The following GRB14 variants were observed in gnomAD, a reference collection of about 807,000 sequenced individuals.
GRB14 encodes growth factor receptor-bound protein 14.
A neutral mutation model predicts 69.1 loss-of-function variants in GRB14; 38 were observed. The ratio of observed to expected loss-of-function variants is 0.55; its 90% confidence interval spans 0.42 to 0.72. The LOEUF (loss-of-function observed/expected upper bound fraction) is 0.72. GRB14 is among the 30% of genes least tolerant of loss of function. GRB14 has a pLI of 0.00. For missense variants in GRB14, 666 were observed against 666.1 expected, an observed-to-expected ratio of 1.00 and a Z score of 0.00; for synonymous variants, 247 against 241.3, an observed-to-expected ratio of 1.02 and a Z score of -0.22.
intron 3 of GRB14, among the ~76,000 whole-genome samples, chr2:164,530,805 T>G (rs1434006299): frequency 6.6e-6 from 1 of 152,184 alleles, no homozygotes; most frequent in Non-Finnish European, 1.5e-5. Context: ...TAGTAAGGGC[T>G]AGGCTTTTCC....
At chr2:164,616,450 A>AG (rs1690299736) in intron 2 of GRB14, among the ~76,000 whole-genome samples, 1 of 141,526 alleles carries the variant, frequency 7.1e-6, no homozygotes, top group African/African-American at 2.5e-5. Flanking sequence ...AAAAAAAAAA[A>AG]GAATATGGAT....
At chr2:164,598,225 G>A (rs938194482) in intron 2 of GRB14, among the ~76,000 whole-genome samples, 1 of 152,124 alleles carries the variant, frequency 6.6e-6, no homozygotes, top group Non-Finnish European at 1.5e-5. Flanking sequence ...TAACAAGTTG[G>A]CATTCAGAAA....
At position 164,525,053 on chromosome 2, in the gene GRB14, G is replaced by A. The variant is rs950111845; in HGVS notation, c.629C>T (p.Ser210Phe). ...TTCACCATTGGTTTCAGTTGCAAAA[G>A]ATACCATATGCTCTGGAAAAAAATA... ...PMYFFPEHMV[S>F]FATETNGEIS... The change falls in exon 5 of 14, where the codon TCT becomes TTT. Residue 210 changes from serine (S) to phenylalanine (F), a missense_variant. By Grantham distance (155) the Ser-to-Phe change is radical. Transcript: ENST00000263915. 1.3e-6 allele frequency: 2 copies of A among 1,589,034 alleles called. No homozygotes were observed. Among genetic ancestry groups the A allele is most frequent in the South Asian group, 1.1e-5 (1 of 88,074 alleles).
chr2:164,496,411 C>A (rs1245640404), intron 12 of GRB14, among the ~76,000 whole-genome samples: 2 of 152,106 alleles, frequency 1.3e-5, no homozygotes, highest in Non-Finnish European at 2.9e-5. Context: ...TTTTATATTT[C>A]TCTTTTGTAT....
intron 2 of GRB14, among the ~76,000 whole-genome samples, chr2:164,610,234 T>C (rs1184299101): frequency 1.3e-5 from 2 of 152,232 alleles, no homozygotes; most frequent in Non-Finnish European, 1.5e-5. Context: ...AAACATTTGC[T>C]AGCATATACC....
intron 2 of GRB14, among the ~76,000 whole-genome samples, chr2:164,575,889 T>A (rs1005054758): frequency 1.1e-4 from 16 of 152,110 alleles, no homozygotes. Flanking sequence ...AAAATAACAG[T>A]ACTAATGCTA....
chr2:164,571,546 C>G lies in GRB14; in HGVS notation c.325-23730G>C, dbSNP rs543698148. ...GGATAGAACAAGAGTAAATGTGTCA[C>G]TTAAAATATTTTCATATCAATATTT... On this transcript the variant is annotated intron_variant, in intron 2 of 13. Transcript: ENST00000263915. Among the ~76,000 whole-genome samples the G allele has an allele frequency of 1.1e-3, 166 of 152,202 alleles. 1 individual carries two copies. The highest frequency in any genetic ancestry group is 3.9e-3 in the African/African-American group (163 of 41,538).
chr2:164,541,332 C>CGTG (rs1688233595), intron 3 of GRB14, among the ~76,000 whole-genome samples: 1 of 151,614 alleles, frequency 6.6e-6, no homozygotes, highest in African/African-American at 2.4e-5. Flanking sequence ...ATTAGCTGGG[C>CGTG]GTGGTGGTGG....
chr2:164,523,291 G>C (rs1301012102), intron 5 of GRB14, among the ~76,000 whole-genome samples: 6 of 151,968 alleles, frequency 3.9e-5, no homozygotes, highest in Non-Finnish European at 8.8e-5. Context: ...TTGTTACATG[G>C]TAATAATTAA....
chr2:164,586,062 A>G (rs1689530844), intron 2 of GRB14, among the ~76,000 whole-genome samples: 1 of 152,212 alleles, frequency 6.6e-6, no homozygotes, highest in Admixed American at 6.5e-5. Flanking sequence ...TTTGGGGCAT[A>G]CATAGAAATA....
In GRB14 at chr2:164,502,286, C is replaced by T. The variant is rs779123855; in HGVS notation, c.1073G>A (p.Ser358Asn). 1 of 1,607,204 alleles carries T rather than the reference C, an allele frequency of 6.2e-7. No homozygotes were observed. Among genetic ancestry groups the T allele is most frequent in the Non-Finnish European group, 8.5e-7 (1 of 1,174,348 alleles). The part of the protein sequence containing the change: ...QNYMHPYQGR[S>N]GCSSQSISPM... Reference sequence around the variant, plus strand: ...TGATATGCTCTGTGAACTGCAGCCACTTCTACCTTGATATGGATGCATATA... The same window carrying T: ...TGATATGCTCTGTGAACTGCAGCCATTTCTACCTTGATATGGATGCATATA... Residue 358 changes from serine (S) to asparagine (N), a missense_variant, in exon 9 of 14, where the codon AGT becomes AAT. By Grantham distance (46) the Ser-to-Asn change is conservative. Coordinates refer to ENST00000263915, the MANE Select transcript of GRB14 (RefSeq NM_004490.3).
chr2:164,594,397 T>C (rs908771481), intron 2 of GRB14, among the ~76,000 whole-genome samples: 5 of 152,142 alleles, frequency 3.3e-5, no homozygotes, highest in African/African-American at 1.2e-4. Flanking sequence ...TGATACTCTG[T>C]GAGATAAATG....
intron 9 of GRB14, among the ~76,000 whole-genome samples, chr2:164,499,766 G>T (rs893770150): frequency 6.6e-6 from 1 of 152,174 alleles, no homozygotes; most frequent in South Asian, 2.1e-4. Context: ...AGGAAGTTTG[G>T]CTAGGTGACA....
Position 164,508,855 on chromosome 2 carries a change from T to A in GRB14, c.817-3A>T. The A allele has an allele frequency of 7.2e-7, 1 of 1,385,254 alleles. No individual in the cohort carries two copies. The highest frequency in any genetic ancestry group is 9.7e-7 in the Non-Finnish European group (1 of 1,030,532). 85.8% of individuals were successfully genotyped at this position (1,385,254 alleles called of 1,614,324 possible). A position where few individuals can be genotyped will look rare whatever the true frequency, so the allele number is the denominator to read the frequency against. ...AAAAACTGCAAATGCCGCGGTTCCT[T>A]AAAAAAAAAAGTATTGACATGGATA... On this transcript the variant is annotated splice_region_variant and splice_polypyrimidine_tract_variant and intron_variant, in intron 6 of 13. Coordinates refer to ENST00000263915, the MANE Select transcript of GRB14 (RefSeq NM_004490.3).
At chr2:164,523,291 GTAA>G (rs1447273262) in intron 5 of GRB14, among the ~76,000 whole-genome samples, 1 of 151,968 alleles carries the variant, frequency 6.6e-6, no homozygotes, top group Non-Finnish European at 1.5e-5. Context: ...TTGTTACATG[GTAA>G]TAATTAATTG....
chr2:164,522,433 G>A (rs1223628528), intron 5 of GRB14, among the ~76,000 whole-genome samples: 1 of 152,086 alleles, frequency 6.6e-6, no homozygotes, highest in Non-Finnish European at 1.5e-5. Context: ...CATTCTAAGT[G>A]ATAGTACATA....
intron 2 of GRB14, chr2:164,568,284 T>C (rs930831099): frequency 1.6e-6 from 2 of 1,261,598 alleles, no homozygotes; most frequent in Middle Eastern, 2.2e-4. Flanking sequence ...CAAGAAAAAT[T>C]AAAGAAAAAA....
chr2:164,604,716 A>C (rs1690004296), intron 2 of GRB14, among the ~76,000 whole-genome samples: 1 of 152,202 alleles, frequency 6.6e-6, no homozygotes, highest in East Asian at 1.9e-4. Flanking sequence ...ATTCAACAAC[A>C]TGGATAAACT....
chr2:164,557,758 A>G (rs185346546), intron 2 of GRB14, among the ~76,000 whole-genome samples: 306 of 152,294 alleles, frequency 2.0e-3, no homozygotes, highest in African/African-American at 7.1e-3. Context: ...CAGCTCTGTA[A>G]AAACCCAGCC....
Sources: allele counts gnomAD v4.1 joint callset (sites outside exome capture counted in the v4.1 genomes callset), GRCh38; gene constraint gnomAD v4.1.1; transcripts MANE v1.5; gene names NCBI Gene and HGNC (gene_info 2026-07-23, HGNC 2026-07-21).